The following POLR3B variants were observed in gnomAD, a reference collection of about 807,000 sequenced individuals.
POLR3B encodes DNA-directed RNA polymerase III subunit RPC2.
Under a neutral mutation model 147.4 loss-of-function variants are expected in POLR3B, and 96 were observed. The ratio of observed to expected loss-of-function variants is 0.65; its 90% CI spans 0.55 to 0.77. The LOEUF (loss-of-function observed/expected upper bound fraction) is 0.77. POLR3B is among the 30% of genes least tolerant of loss of function. The probability of loss-of-function intolerance (pLI) is 0.00; values close to 1 mark genes in which losing one functional copy is unlikely to be tolerated. For synonymous variants in POLR3B, 461 were observed against 485.9 expected (o/e 0.95, Z 0.67); for missense variants, 1,036 against 1,413.5 (o/e 0.73, Z 4.28).
intron 13 of POLR3B, among the ~76,000 whole-genome samples, chr12:106,428,417 TCAAC>T (rs1282373181): frequency 6.6e-6 from 1 of 152,186 alleles, no homozygotes; most frequent in Non-Finnish European, 1.5e-5. Flanking sequence ...CAGAAAAAGA[TCAAC>T]CTTTAAAATT....
At chr12:106,364,963 G>A (rs530641734) in intron 2 of POLR3B, among the ~76,000 whole-genome samples, 1 of 152,028 alleles carries the variant, frequency 6.6e-6, no homozygotes, top group South Asian at 2.1e-4. Context: ...GTGAAACCTC[G>A]TCTCTACTAA....
intron 15 of POLR3B, among the ~76,000 whole-genome samples, chr12:106,433,041 A>G (rs2037530523): frequency 1.3e-5 from 2 of 152,036 alleles, no homozygotes; most frequent in Non-Finnish European, 2.9e-5. Context: ...TCTCCCTAGT[A>G]TGCTCCATGA....
chr12:106,432,232 G>A, intron 14 of POLR3B, 86 bp from the exon 15 acceptor site: 1 of 1,270,092 alleles, frequency 7.9e-7, no homozygotes, highest in Non-Finnish European at 1.2e-6. Context: ...ATTGCTGCCA[G>A]CAAAGTAGTG....
chr12:106,371,942 TAATAA>T (rs759325698), intron 6 of POLR3B, among the ~76,000 whole-genome samples: 68 of 151,962 alleles, frequency 4.5e-4, no homozygotes, highest in Middle Eastern at 3.4e-3. Context: ...AGTATAATAA[TAATAA>T]AATAAAATAA....
At chr12:106,396,544 AT>A (rs1276520866) in intron 10 of POLR3B, among the ~76,000 whole-genome samples, 2 of 152,216 alleles carry the variant, frequency 1.3e-5, no homozygotes, top group East Asian at 3.8e-4. Context: ...AAAAACATAC[AT>A]GTAAATAGAT....
chr12:106,446,228 A>G (rs1455866739), intron 19 of POLR3B: 3 of 455,748 alleles, frequency 6.6e-6, no homozygotes, highest in Non-Finnish European at 1.3e-5. Flanking sequence ...GAAACAATAC[A>G]CCTTTTGTGT....
At chr12:106,497,968 C>T (rs1027892296) in intron 25 of POLR3B, among the ~76,000 whole-genome samples, 6 of 152,190 alleles carry the variant, frequency 3.9e-5, no homozygotes, top group Non-Finnish European at 8.8e-5. Context: ...GAAAGCAGGG[C>T]TGGTCTGTTT....
At chr12:106,383,999 A>C (rs111718247) in intron 9 of POLR3B, among the ~76,000 whole-genome samples, 2 of 151,762 alleles carry the variant, frequency 1.3e-5, no homozygotes, top group African/African-American at 4.9e-5. Flanking sequence ...AGAGAGAGAA[A>C]AAAAAAAAGA....
chr12:106,453,047 C>G (rs556425772), intron 19 of POLR3B, among the ~76,000 whole-genome samples: 1 of 137,290 alleles, frequency 7.3e-6, no homozygotes, highest in African/African-American at 2.9e-5. Flanking sequence ...TTTTTTGAGA[C>G]AGGGTCTTGC....
In POLR3B at chr12:106,427,324, A is replaced by C; in HGVS notation, c.1229A>C (p.Gln410Pro). The change falls in exon 13 of 28, where the codon CAG becomes CCG. Residue 410 changes from glutamine (Q) to proline (P), a missense_variant. Gln to Pro is a moderately conservative substitution (Grantham distance 76). This residue lies in a region of POLR3B where 89 missense variants were observed against 110.9 expected (regional missense o/e 0.80). Transcript: ENST00000228347. ...FDVVKHMRQD[Q>P]ITNGMVNAIS... Reference sequence around the variant, plus strand: ...GTTGTCAAACACATGCGCCAAGACCAGATCACCAATGGCATGGTGAATGCT... The same window carrying C: ...GTTGTCAAACACATGCGCCAAGACCCGATCACCAATGGCATGGTGAATGCT... 6.2e-7 allele frequency: 1 copy of C among 1,613,842 alleles called. No homozygotes were observed. The highest frequency in any genetic ancestry group is 8.5e-7 in the Non-Finnish European group (1 of 1,179,810).
At chr12:106,421,710 TA>T (rs992108987) in intron 12 of POLR3B, among the ~76,000 whole-genome samples, 115 of 151,980 alleles carry the variant, frequency 7.6e-4, no homozygotes, top group Middle Eastern at 3.4e-3. Context: ...TATATATATA[TA>T]TTTTTTGAGA....
chr12:106,424,172 AT>A (rs2037407270), intron 12 of POLR3B, among the ~76,000 whole-genome samples: 1 of 85,880 alleles, frequency 1.2e-5, no homozygotes, highest in African/African-American at 6.5e-5. Context: ...GTCTTTTAAC[AT>A]ATATATATAT....
At chr12:106,446,320 G>A (rs958053655) in intron 19 of POLR3B, 6 of 452,430 alleles carry the variant, frequency 1.3e-5, no homozygotes, top group South Asian at 7.8e-5. Context: ...TCGAAACAGA[G>A]CTGCAACTAT....
intron 7 of POLR3B, among the ~76,000 whole-genome samples, chr12:106,377,539 A>G (rs369951117): frequency 5.0e-4 from 76 of 152,374 alleles, no homozygotes; most frequent in African/African-American, 1.7e-3. Context: ...ATGGAATATT[A>G]TTTTGGAAAC....
chr12:106,451,026 A>G (rs1387222886), intron 19 of POLR3B, among the ~76,000 whole-genome samples: 1 of 152,228 alleles, frequency 6.6e-6, no homozygotes, highest in Admixed American at 6.5e-5. Flanking sequence ...ATAATATTCA[A>G]CCATATGCAT....
At chr12:106,442,076 G>A (rs1430821727) in intron 18 of POLR3B, among the ~76,000 whole-genome samples, 6 of 123,256 alleles carry the variant, frequency 4.9e-5, no homozygotes, top group Non-Finnish European at 8.0e-5. Context: ...GCGAAAATCC[G>A]CCTCAAAAAA....
intron 10 of POLR3B, among the ~76,000 whole-genome samples, chr12:106,393,535 G>T (rs1190036440): frequency 7.0e-6 from 1 of 143,594 alleles, no homozygotes; most frequent in East Asian, 2.2e-4. Flanking sequence ...GTGTGTATGT[G>T]TGCATGCATT....
At chr12:106,461,378 G>C (rs931303416) in intron 22 of POLR3B, among the ~76,000 whole-genome samples, 1 of 151,990 alleles carries the variant, frequency 6.6e-6, no homozygotes, top group African/African-American at 2.4e-5. Flanking sequence ...ATAAGCCACC[G>C]TGCCCAGCCC....
chr12:106,455,460 G>A (rs2037852853), intron 20 of POLR3B, among the ~76,000 whole-genome samples: 1 of 152,048 alleles, frequency 6.6e-6, no homozygotes, highest in African/African-American at 2.4e-5. Flanking sequence ...TCCTCCAAAT[G>A]ACAACAGCCA....
Sources: gnomAD v4.1 joint callset for allele counts (sites outside exome capture counted in the v4.1 genomes callset) on GRCh38, gnomAD v4.1.1 for gene constraint, gnomAD v4.1.1 regional missense constraint, MANE v1.5 for transcripts, NCBI Gene and HGNC (gene_info 2026-07-23, HGNC 2026-07-21) for gene names.